The following PIP5K1A variants were observed in gnomAD, a reference collection of about 807,000 sequenced individuals.
PIP5K1A encodes phosphatidylinositol-4-phosphate 5-kinase type 1 alpha.
PIP5K1A carries 46 observed loss-of-function variants against 72.9 expected under a neutral mutation model. The ratio of observed to expected loss-of-function variants is 0.63; its 90% CI spans 0.50 to 0.81. The LOEUF is 0.81. PIP5K1A is among the 30% of genes least tolerant of loss of function. The pLI is 0.00. For missense variants in PIP5K1A, 458 were observed against 706.1 expected, an observed-to-expected ratio of 0.65 and a Z score of 3.98; for synonymous variants, 228 against 255.1, an observed-to-expected ratio of 0.89 and a Z score of 1.01.
At chr1:151,223,212 A>G (rs895999279) in intron 1 of PIP5K1A, among the ~76,000 whole-genome samples, 1 of 152,000 alleles carries the variant, frequency 6.6e-6, no homozygotes, top group Non-Finnish European at 1.5e-5. Flanking sequence ...TCAGCCAGGC[A>G]TGGTGGCGGG....
intron 3 of PIP5K1A, among the ~76,000 whole-genome samples, chr1:151,225,797 G>C (rs1254133697): frequency 6.7e-6 from 1 of 149,986 alleles, no homozygotes; most frequent in Non-Finnish European, 1.5e-5. Flanking sequence ...TTTTTTTTGA[G>C]ACAGAGTCAC....
intron 1 of PIP5K1A, among the ~76,000 whole-genome samples, chr1:151,214,607 C>G (rs1687308301): frequency 6.6e-6 from 1 of 152,248 alleles, no homozygotes; most frequent in African/African-American, 2.4e-5. Context: ...TCTCGAACTC[C>G]TGACCTCAAG....
intron 1 of PIP5K1A, among the ~76,000 whole-genome samples, chr1:151,210,558 C>T (rs1686660427): frequency 6.6e-6 from 1 of 152,012 alleles, no homozygotes; most frequent in Non-Finnish European, 1.5e-5. Flanking sequence ...CTGCTTATCT[C>T]TTTGTGCTCT....
At chr1:151,237,126 G>A (rs1387453265) in intron 9 of PIP5K1A, among the ~76,000 whole-genome samples, 3 of 152,052 alleles carry the variant, frequency 2.0e-5, no homozygotes, top group Admixed American at 1.3e-4. Flanking sequence ...CACCGTGCCC[G>A]GCCACAGCAC....
chr1:151,215,740 T>C (rs1336973939), intron 1 of PIP5K1A, among the ~76,000 whole-genome samples: 1 of 152,240 alleles, frequency 6.6e-6, no homozygotes, highest in Non-Finnish European at 1.5e-5. Flanking sequence ...TTGTGACTGC[T>C]CCGAGAATTT....
chr1:151,216,808 C>T (rs959840726), intron 1 of PIP5K1A, among the ~76,000 whole-genome samples: 2 of 151,292 alleles, frequency 1.3e-5, no homozygotes, highest in African/African-American at 4.9e-5. Flanking sequence ...TTAGGAAGTA[C>T]ATGTTGTTAC....
chr1:151,224,294 G>A lies in PIP5K1A; in HGVS notation c.120+15G>A. ...TGGCATCTGAGGTGAGTTTCATACT[G>A]ATACAATGGTTACTAAAACCTTAAT... On this transcript the variant is annotated intron_variant, in intron 2 of 15. Transcript: ENST00000368888. The A allele has an allele frequency of 6.2e-7, 1 of 1,611,868 alleles. No homozygotes were observed. The highest frequency in any genetic ancestry group is 2.2e-5 in the East Asian group (1 of 44,840).
intron 4 of PIP5K1A, among the ~76,000 whole-genome samples, chr1:151,228,685 T>G (rs1375031162): frequency 6.6e-6 from 1 of 152,118 alleles, no homozygotes; most frequent in African/African-American, 2.4e-5. Context: ...CAGTCTCCCA[T>G]TTAGCATCTG....
chr1:151,234,545 G>C, intron 8 of PIP5K1A, 49 bp downstream of exon 8: 1 of 1,471,986 alleles, frequency 6.8e-7, no homozygotes, highest in Non-Finnish European at 9.5e-7. Flanking sequence ...AAAACAGCTT[G>C]ATTGTTCTTA....
At chr1:151,202,226 T>C (rs1685306070) in intron 1 of PIP5K1A, among the ~76,000 whole-genome samples, 1 of 152,206 alleles carries the variant, frequency 6.6e-6, no homozygotes, top group Admixed American at 6.5e-5. Flanking sequence ...TTTTCAGCAT[T>C]GTCAGAGAAC....
intron 1 of PIP5K1A, among the ~76,000 whole-genome samples, chr1:151,207,136 C>T (rs1453042314): frequency 6.6e-6 from 1 of 152,198 alleles, no homozygotes; most frequent in African/African-American, 2.4e-5. Context: ...TCCCAAAGTG[C>T]TGGGATTACA....
At chr1:151,230,014 G>C (rs1689807057) in intron 4 of PIP5K1A, among the ~76,000 whole-genome samples, 1 of 152,208 alleles carries the variant, frequency 6.6e-6, no homozygotes, top group African/African-American at 2.4e-5. Flanking sequence ...TGTCAACCAG[G>C]GAGGCGGAGC....
rs11340275 is a variant in PIP5K1A at position 151,208,361 on chromosome 1, C to CTT, written c.85+9295_85+9296dup. On this transcript the variant is annotated intron_variant, in intron 1 of 15. Coordinates refer to ENST00000368888, the MANE Select transcript of PIP5K1A (RefSeq NM_001135638.2). ...CTGAAATGTGGCTTGGTTTTCTTTT[C>CTT]TTTTTTTTTTTTTTTTGGAGATGGA... 1.7e-3 allele frequency among the ~76,000 whole-genome samples: 210 copies of CTT among 125,950 alleles called. 3 individuals are homozygous for CTT. The highest frequency in any genetic ancestry group is 4.0e-3 in the Middle Eastern group (1 of 250). The allele number at this position is 125,950 out of a possible 152,430, so 82.6% of individuals were successfully genotyped here. A position where few individuals can be genotyped will look rare whatever the true frequency, so the allele number is the denominator to read the frequency against.
At chr1:151,247,331 A>G (rs1035549754) in intron 15 of PIP5K1A, among the ~76,000 whole-genome samples, 7 of 151,466 alleles carry the variant, frequency 4.6e-5, no homozygotes, top group Middle Eastern at 3.4e-3. Context: ...GTTTCATCAT[A>G]TTGGACAGGC....
chr1:151,242,194 T>A lies in PIP5K1A; in HGVS notation c.1435T>A (p.Ser479Thr). Residue 479 changes from serine (S) to threonine (T), a missense_variant, in exon 13 of 16, where the codon TCC becomes ACC. This residue lies in a region of PIP5K1A where 157 missense variants were observed against 175.5 expected (regional missense o/e 0.89). Coordinates refer to ENST00000368888, the MANE Select transcript of PIP5K1A (RefSeq NM_001135638.2). ...TCGGCGAGCAGGCTCCAGTGGCAAC[T>A]CCTGCATTACTTACCAGCCATCGGT... is the stretch of plus-strand genomic sequence containing the variant. ...FSRRAGSSGN[S>T]CITYQPSVSG... is the part of the protein sequence containing the mutation. 6.2e-7 allele frequency: 1 copy of A among 1,614,066 alleles called. No homozygotes were observed. The highest frequency in any genetic ancestry group is 8.5e-7 in the Non-Finnish European group (1 of 1,179,936).
intron 15 of PIP5K1A, among the ~76,000 whole-genome samples, chr1:151,247,624 C>T (rs910284993): frequency 3.3e-5 from 5 of 151,866 alleles, no homozygotes; most frequent in Non-Finnish European, 5.9e-5. Context: ...CAGGGTTTCA[C>T]CGTGTTAGCC....
In PIP5K1A at chr1:151,241,646, T is replaced by C. The variant is rs587768103; in HGVS notation, c.1364-477T>C. ...TGAAACCCCGTCTCTACTAAAAATA[T>C]AAAATTAGCTGGGTGTAGTGGCGCA... is the stretch of plus-strand genomic sequence containing the variant. On this transcript the variant is annotated intron_variant, in intron 12 of 15. Transcript: ENST00000368888. Among the ~76,000 whole-genome samples the C allele has an allele frequency of 2.7e-4, 41 of 151,668 alleles. 1 individual carries two copies. The South Asian group carries it at 8.5e-3, about 32-fold the overall frequency.
intron 4 of PIP5K1A, among the ~76,000 whole-genome samples, chr1:151,230,204 C>G (rs927486195): frequency 6.6e-6 from 1 of 152,214 alleles, no homozygotes; most frequent in African/African-American, 2.4e-5. Context: ...GCTATCTAAT[C>G]AAAGTTTCTG....
intron 9 of PIP5K1A, among the ~76,000 whole-genome samples, chr1:151,237,543 C>T (rs1691062961): frequency 6.6e-6 from 1 of 151,928 alleles, no homozygotes; most frequent in Non-Finnish European, 1.5e-5. Context: ...ACCTGTGGTC[C>T]CAGCTACTCA....
Sources: gnomAD v4.1 joint callset for allele counts (sites outside exome capture counted in the v4.1 genomes callset) on GRCh38, gnomAD v4.1.1 for gene constraint, gnomAD v4.1.1 regional missense constraint, MANE v1.5 for transcripts, NCBI Gene and HGNC (gene_info 2026-07-23, HGNC 2026-07-21) for gene names.